Variants in GNA11 observed in about 807,000 individuals in gnomAD.
The protein encoded by GNA11 is guanine nucleotide-binding protein subunit alpha-11.
GNA11 carries 8 observed loss-of-function variants against 38.2 expected under a neutral mutation model. The observed-to-expected ratio is 0.21, with a 90% confidence interval of 0.12 to 0.38. GNA11 has a LOEUF of 0.38. GNA11 is among the 10% of genes least tolerant of loss of function. GNA11 has a pLI of 1.00. For missense variants in GNA11, 268 were observed against 516.3 expected (o/e 0.52, Z 4.66); for synonymous variants, 211 against 221.4 (o/e 0.95, Z 0.42).
intron 1 of GNA11, among the ~76,000 whole-genome samples, chr19:3,101,822 G>A (rs890184226): frequency 1.3e-5 from 2 of 152,116 alleles, no homozygotes; most frequent in African/African-American, 4.8e-5. Flanking sequence ...GGCCAGGTGC[G>A]GTGGCTCATG....
chr19:3,117,385 CCTTTT>C (rs1471202995), intron 4 of GNA11: 1 of 152,482 alleles, frequency 6.6e-6, no homozygotes, highest in African/African-American at 2.4e-5. Context: ...CCAGCTGTGC[CCTTTT>C]CTTTTTTTTG....
chr19:3,114,047 C>T (rs1913846405), intron 3 of GNA11, among the ~76,000 whole-genome samples: 1 of 152,144 alleles, frequency 6.6e-6, no homozygotes, highest in Non-Finnish European at 1.5e-5. Flanking sequence ...TGCTGCCCTC[C>T]ATGCTTGGCA....
intron 1 of GNA11, among the ~76,000 whole-genome samples, chr19:3,100,340 G>A (rs1460585021): frequency 6.6e-6 from 1 of 152,196 alleles, no homozygotes; most frequent in Non-Finnish European, 1.5e-5. Context: ...GTGTCCCTGG[G>A]AGCAGGACCC....
chr19:3,103,085 C>A (rs143182791), intron 1 of GNA11, among the ~76,000 whole-genome samples: 2 of 152,302 alleles, frequency 1.3e-5, no homozygotes, highest in African/African-American at 4.8e-5. Flanking sequence ...TCGGCTCAGG[C>A]GTCGTAGACG....
intron 4 of GNA11, 27 bp downstream of exon 4, chr19:3,115,099 GA>G (rs1261904196): frequency 6.2e-7 from 1 of 1,602,992 alleles, no homozygotes; most frequent in Non-Finnish European, 8.5e-7. Context: ...AGCAGGCGGG[GA>G]GGGGGCACTG....
At chr19:3,111,170 T>C (rs537921603) in intron 2 of GNA11, among the ~76,000 whole-genome samples, 3 of 152,298 alleles carry the variant, frequency 2.0e-5, no homozygotes, top group South Asian at 2.1e-4. Flanking sequence ...CACAGCTTTA[T>C]TGAGTTATAA....
At chr19:3,114,645 G>T (rs969142688) in intron 3 of GNA11, among the ~76,000 whole-genome samples, 1 of 152,202 alleles carries the variant, frequency 6.6e-6, no homozygotes, top group Non-Finnish European at 1.5e-5. Context: ...TCTCTGGACA[G>T]CTCTACTACA....
chr19:3,094,719 C>T lies in GNA11; in HGVS notation c.68C>T (p.Ala23Val). The T allele has an allele frequency of 6.3e-7, 1 of 1,591,140 alleles. No homozygotes were observed. Among genetic ancestry groups the T allele is most frequent in the Non-Finnish European group, 8.5e-7 (1 of 1,170,620 alleles). The change falls in exon 1 of 7, where the codon GCC becomes GTC. Residue 23 changes from alanine (A) to valine (V), a missense_variant. Ala to Val is a moderately conservative substitution (Grantham distance 64). Transcript: ENST00000078429. This position sits in a 1 kb window ranked among gnomAD's most constrained non-coding sequence, Gnocchi z 6.0. ...GTGAAGGAGTCCAAGCGGATCAACG[C>T]CGAGATCGAGAAGCAGCTGCGGCGG... ...DEVKESKRINAEIEKQLRRDK... is the reference protein window; with the variant it reads ...DEVKESKRINVEIEKQLRRDK...
chr19:3,115,923 TG>T (rs1201097729), intron 4 of GNA11, among the ~76,000 whole-genome samples: 1 of 37,570 alleles, frequency 2.7e-5, no homozygotes, highest in Non-Finnish European at 5.5e-5. Context: ...AGAGGGGTCA[TG>T]GGGACCGAGG....
At chr19:3,107,859 T>C (rs1913674937) in intron 1 of GNA11, among the ~76,000 whole-genome samples, 1 of 152,064 alleles carries the variant, frequency 6.6e-6, no homozygotes, top group Non-Finnish European at 1.5e-5. Context: ...ACCGCCCTTC[T>C]CTTCAGGGCG....
intron 4 of GNA11, among the ~76,000 whole-genome samples, chr19:3,116,328 G>T (rs776369489): frequency 1.5e-4 from 23 of 152,164 alleles, no homozygotes; most frequent in African/African-American, 5.3e-4. Flanking sequence ...GACTCCCACC[G>T]CAGGCCTTAT....
chr19:3,099,073 A>G (rs145419027), intron 1 of GNA11, among the ~76,000 whole-genome samples: 5 of 152,106 alleles, frequency 3.3e-5, no homozygotes, highest in African/African-American at 1.2e-4. Context: ...TTTAACCACG[A>G]GAGGTTTCAC....
At chr19:3,117,226 G>A (rs1913946158) in intron 4 of GNA11, 1 of 152,270 alleles carries the variant, frequency 6.6e-6, no homozygotes, top group Non-Finnish European at 1.5e-5. Flanking sequence ...GCCAGGTTGT[G>A]GCATGAATGT....
chr19:3,105,135 G>A (rs1029301562), intron 1 of GNA11, among the ~76,000 whole-genome samples: 8 of 152,120 alleles, frequency 5.3e-5, no homozygotes, highest in South Asian at 2.1e-4. Context: ...CTCGTCACCC[G>A]TGGAGTGCGT....
chr19:3,100,884 C>A (rs974032253), intron 1 of GNA11, among the ~76,000 whole-genome samples: 1 of 152,148 alleles, frequency 6.6e-6, no homozygotes, highest in Non-Finnish European at 1.5e-5. Flanking sequence ...GGGAGGGAGC[C>A]CTCTTGTCCC....
At position 3,118,912 on chromosome 19, in the gene GNA11, G is replaced by C. The variant is rs751267772; in HGVS notation, c.606-12G>C. The C allele has an allele frequency of 1.9e-6, 3 of 1,607,258 alleles. No homozygotes were observed. Among genetic ancestry groups the C allele is most frequent in the African/African-American group, 1.4e-5 (1 of 72,762 alleles). ...CGCCAGGTGGCTGAGTCCTGGCGCT[G>C]TGTCCTTTCAGGATGGTGGATGTGG... On this transcript the variant is annotated splice_polypyrimidine_tract_variant and intron_variant, in intron 4 of 6. Coordinates refer to ENST00000078429, the MANE Select transcript of GNA11 (RefSeq NM_002067.5).
At chr19:3,096,657 G>A (rs950402164) in intron 1 of GNA11, among the ~76,000 whole-genome samples, 1 of 152,128 alleles carries the variant, frequency 6.6e-6, no homozygotes, top group Non-Finnish European at 1.5e-5. Context: ...TCCAGTGCCC[G>A]CCTGTGGCCC....
chr19:3,110,032 A>G lies in GNA11; in HGVS notation c.137-117A>G. The stretch of plus-strand genomic sequence containing the variant: ...GTCTGGTGGAGAGACGGTCAGCCTC[A>G]CGTGCCTTGGTTTCCTGTGCTGGGT... On this transcript the variant is annotated intron_variant, in intron 1 of 6. Coordinates refer to ENST00000078429, the MANE Select transcript of GNA11 (RefSeq NM_002067.5). This position sits in a 1 kb window ranked among gnomAD's most constrained non-coding sequence, Gnocchi z 5.4. 1 of 737,596 alleles carries G rather than the reference A, an allele frequency of 1.4e-6. No homozygotes were observed. The highest frequency in any genetic ancestry group is 1.8e-5 in the South Asian group (1 of 56,336). 45.7% of individuals were successfully genotyped at this position (737,596 alleles called of 1,614,324 possible).
intron 1 of GNA11, among the ~76,000 whole-genome samples, chr19:3,107,009 G>A (rs1271763383): frequency 6.6e-6 from 1 of 152,226 alleles, no homozygotes; most frequent in East Asian, 1.9e-4. Flanking sequence ...AGCTGAGGCA[G>A]GTAGATCACC....
Sources: allele counts gnomAD v4.1 joint callset (sites outside exome capture counted in the v4.1 genomes callset), GRCh38; gene constraint gnomAD v4.1.1; non-coding constraint Gnocchi (gnomAD v3.1); transcripts MANE v1.5; gene names NCBI Gene and HGNC (gene_info 2026-07-23, HGNC 2026-07-21).